Variants in STARD13 observed in about 807,000 individuals in gnomAD.
STARD13 encodes the protein StAR related lipid transfer domain containing 13.
In STARD13, 62 loss-of-function variants were observed where a neutral mutation model predicts 106.4. That is an observed-to-expected ratio of 0.58 (90% CI 0.48 to 0.72). STARD13 has a LOEUF of 0.72. STARD13 is among the 30% of genes least tolerant of loss of function. STARD13 has a pLI of 0.00. For missense variants in STARD13, 1,387 were observed against 1,424.0 expected (o/e 0.97, Z 0.42); for synonymous variants, 565 against 553.0 (o/e 1.02, Z -0.31).
At chr13:33,283,938 G>T (rs564692621) in intron 1 of STARD13, among the ~76,000 whole-genome samples, 2 of 152,250 alleles carry the variant, frequency 1.3e-5, no homozygotes, top group East Asian at 3.9e-4. Context: ...CTAGTTCTCT[G>T]CAATATTTCT....
the STARD13 span, among the ~76,000 whole-genome samples, chr13:33,599,923 C>G: frequency 5.2e-3 from 793 of 152,292 alleles, 2 homozygotes; most frequent in Middle Eastern, 0.014. Context: ...CACAAAGTTT[C>G]TCCATGCATG....
At chr13:33,190,514 C>T (rs917751255) in intron 1 of STARD13, among the ~76,000 whole-genome samples, 3 of 152,036 alleles carry the variant, frequency 2.0e-5, no homozygotes, top group African/African-American at 7.2e-5. Context: ...TTAACACCAC[C>T]ACCATGAGAG....
At position 33,103,931 on chromosome 13, in the gene STARD13, G is replaced by A. The variant is rs535638810; in HGVS notation, c.*1662C>T. On this transcript the variant is annotated 3_prime_UTR_variant, in exon 14 of 14. Coordinates refer to ENST00000336934, the MANE Select transcript of STARD13 (RefSeq NM_178006.4). Reference sequence around the variant, plus strand: ...TACTGCTTCCTTCTTAGGTAGATATGGGAATGAAAAATTTCTAGGTCATAA... The same window carrying A: ...TACTGCTTCCTTCTTAGGTAGATATAGGAATGAAAAATTTCTAGGTCATAA... 11 of 152,242 alleles carry A rather than the reference G, an allele frequency of 7.2e-5. No individual in the cohort carries two copies. Among genetic ancestry groups the A allele is most frequent in the Admixed American group, 3.3e-4 (5 of 15,292 alleles). The allele number at this position is 152,242 out of a possible 1,614,324, so 9.4% of individuals were successfully genotyped here.
chr13:33,585,720 A>G, the STARD13 span, among the ~76,000 whole-genome samples: 1 of 152,242 alleles, frequency 6.6e-6, no homozygotes, highest in Non-Finnish European at 1.5e-5. Flanking sequence ...TAGTATACAT[A>G]TATACATACA....
downstream of STARD13, among the ~76,000 whole-genome samples, chr13:33,344,336 G>A (rs138284511): frequency 2.4e-4 from 37 of 152,192 alleles, no homozygotes; most frequent in Non-Finnish European, 3.8e-4. Context: ...GCATCTAAAC[G>A]TAGTATCATC....
intron 4 of STARD13, among the ~76,000 whole-genome samples, chr13:33,135,071 C>T (rs1447212357): frequency 1.3e-5 from 2 of 152,216 alleles, no homozygotes; most frequent in African/African-American, 2.4e-5. Context: ...TTTCTAAGCG[C>T]TCCACATTTT....
the STARD13 span, among the ~76,000 whole-genome samples, chr13:33,385,218 AAT>A: frequency 0.025 from 839 of 33,522 alleles, 8 homozygotes; most frequent in South Asian, 0.048. Flanking sequence ...AAAGGTTCGG[AAT>A]ATATATATAT....
chr13:33,552,886 C>A, the STARD13 span, among the ~76,000 whole-genome samples: 1 of 151,886 alleles, frequency 6.6e-6, no homozygotes, highest in Non-Finnish European at 1.5e-5. Flanking sequence ...TAAAGTTTAT[C>A]TGGAAGATTA....
the STARD13 span, among the ~76,000 whole-genome samples, chr13:33,382,164 T>C: frequency 6.6e-6 from 1 of 152,254 alleles, no homozygotes; most frequent in Non-Finnish European, 1.5e-5. Flanking sequence ...AATTATCTGA[T>C]GTTCTGTGTT....
the STARD13 span, among the ~76,000 whole-genome samples, chr13:33,530,225 G>C: frequency 6.6e-6 from 1 of 151,776 alleles, no homozygotes; most frequent in South Asian, 2.1e-4. Flanking sequence ...ATAAATAAAG[G>C]TGAACAACTC....
At chr13:33,457,155 G>A in the STARD13 span, among the ~76,000 whole-genome samples, 3 of 152,212 alleles carry the variant, frequency 2.0e-5, no homozygotes, top group Admixed American at 6.5e-5. Context: ...AAGGAGGATA[G>A]ATATGGAAGA....
the STARD13 span, among the ~76,000 whole-genome samples, chr13:33,374,463 A>T: frequency 2.0e-5 from 3 of 152,246 alleles, no homozygotes; most frequent in Admixed American, 2.0e-4. Context: ...ACAATAAAAA[A>T]TGTAACTACC....
intron 1 of STARD13, among the ~76,000 whole-genome samples, chr13:33,228,841 A>C (rs1421567533): frequency 2.6e-5 from 4 of 152,248 alleles, no homozygotes; most frequent in Non-Finnish European, 5.9e-5. Flanking sequence ...ATTAGACACG[A>C]GTAAGACAAG....
the STARD13 span, among the ~76,000 whole-genome samples, chr13:33,488,157 T>A: frequency 6.6e-6 from 1 of 152,158 alleles, no homozygotes; most frequent in African/African-American, 2.4e-5. Context: ...TCCTTAATCT[T>A]CCTTTTTCTC....
intron 1 of STARD13, among the ~76,000 whole-genome samples, chr13:33,248,475 T>A (rs749398827): frequency 2.6e-5 from 4 of 152,222 alleles, no homozygotes; most frequent in Admixed American, 2.6e-4. Context: ...ATTAAGAGAT[T>A]TGTGAGCTGT....
chr13:33,572,556 G>T, the STARD13 span, among the ~76,000 whole-genome samples: 1 of 152,150 alleles, frequency 6.6e-6, no homozygotes, highest in Non-Finnish European at 1.5e-5. Context: ...TTTGTTTGAA[G>T]TGTTTCTTAT....
At chr13:33,146,288 C>T (rs2138255117) in intron 3 of STARD13, among the ~76,000 whole-genome samples, 1 of 151,968 alleles carries the variant, frequency 6.6e-6, no homozygotes, top group East Asian at 2.0e-4. Context: ...TGCACCATTG[C>T]ACCCCAGCCT....
chr13:33,457,638 A>G, the STARD13 span, among the ~76,000 whole-genome samples: 4 of 152,338 alleles, frequency 2.6e-5, no homozygotes, highest in African/African-American at 9.6e-5. Flanking sequence ...GGGAGGCTGG[A>G]AAGTCCAGGA....
intron 1 of STARD13, among the ~76,000 whole-genome samples, chr13:33,340,136 C>A (rs191446204): frequency 6.6e-6 from 1 of 152,288 alleles, no homozygotes. Context: ...ATTTGTTACG[C>A]TTTTTATGAT....
Sources: gnomAD v4.1 joint callset for allele counts (sites outside exome capture counted in the v4.1 genomes callset) on GRCh38, gnomAD v4.1.1 for gene constraint, MANE v1.5 for transcripts, NCBI Gene and HGNC (gene_info 2026-07-23, HGNC 2026-07-21) for gene names.